ACAD8: variants seen among roughly 807,000 people sequenced by gnomAD.
ACAD8 encodes the protein acyl-CoA dehydrogenase family member 8.
In ACAD8, 47 loss-of-function variants were observed where a neutral mutation model predicts 53.1. The observed-to-expected ratio is 0.89, with a 90% confidence interval of 0.70 to 1.13. ACAD8 has a LOEUF of 1.13. ACAD8 is among the 50% of genes most tolerant of loss of function. The pLI is 0.00. For synonymous variants in ACAD8, 198 were observed against 201.3 expected (o/e 0.98, Z 0.14); for missense variants, 494 against 535.0 (o/e 0.92, Z 0.76).
rs1939798356 is a variant in ACAD8, at chr11:134,260,145, A to G, written c.705+400A>G. 4 of 1,160,092 alleles carry G rather than the reference A, an allele frequency of 3.4e-6. No individual in the cohort carries two copies. The Admixed American group carries it at 1.3e-4, about 38-fold the overall frequency. The allele number at this position is 1,160,092 out of a possible 1,614,324, so 71.9% of individuals were successfully genotyped here. A position where few individuals can be genotyped will look rare whatever the true frequency, so the allele number is the denominator to read the frequency against. ...GTCCCTTTTGCTTCTTTGATTAAAA[A>G]TAAAGTAAAACTCATTGGAGATGAT... On this transcript the variant is annotated intron_variant, in intron 6 of 10. Coordinates refer to ENST00000281182, the MANE Select transcript of ACAD8 (RefSeq NM_014384.3).
Position 134,261,805 on chromosome 11 carries a change from C to T in ACAD8, c.1007C>T (p.Ala336Val), listed in dbSNP as rs202247761. 6.2e-7 allele frequency: 1 copy of T among 1,614,224 alleles called. No homozygotes were observed. The highest frequency in any genetic ancestry group is 1.1e-5 in the South Asian group (1 of 91,092). Residue 336 changes from alanine to valine, a missense_variant, in exon 9 of 11, where the codon GCA becomes GTA. By Grantham distance (64) the Ala-to-Val change is moderately conservative. Transcript: ENST00000281182. The surrounding 1 kb of genome is among the most constrained non-coding windows in gnomAD (Gnocchi z 4.2). ...LVAARLMVRN[A>V]AVALQEERKD... ...GCCGCGCGGCTGATGGTCCGCAATG[C>T]AGCAGTGGCTCTGCAGGAGGAGAGG... is the stretch of plus-strand genomic sequence containing the variant.
rs1332592256 is a variant in ACAD8, at chr11:134,259,061, C to A, written c.544C>A (p.His182Asn). ...GACCTCCGCTAAGAAACAGGGAGAT[C>A]ATTACATCCTCAATGGCTCCAAGGT... Reference protein sequence around the residue: ...LLTSAKKQGDHYILNGSKAFI... With the variant: ...LLTSAKKQGDNYILNGSKAFI... Residue 182 changes from histidine to asparagine, a missense_variant, in exon 5 of 11, where the codon CAT (histidine) becomes AAT (asparagine). By Grantham distance (68) the His-to-Asn change is moderately conservative (BLOSUM62 1). Coordinates refer to ENST00000281182, the MANE Select transcript of ACAD8 (RefSeq NM_014384.3). The A allele has an allele frequency of 6.2e-7, 1 of 1,614,040 alleles. No homozygotes were observed.
chr11:134,262,298 G>A (rs886242598), intron 9 of ACAD8: 11 of 668,928 alleles, frequency 1.6e-5, no homozygotes, highest in Non-Finnish European at 2.2e-5. Context: ...GAGGGGCAGA[G>A]GGCTTTGAGT....
chr11:134,260,569 G>GTGT (rs993247979), intron 6 of ACAD8: 3 of 267,440 alleles, frequency 1.1e-5, no homozygotes, highest in African/African-American at 6.7e-5. Context: ...CTTCTACTGT[G>GTGT]TGTGAAGCCC....
chr11:134,262,916 C>T (rs2136084943), intron 10 of ACAD8: 2 of 1,317,694 alleles, frequency 1.5e-6, no homozygotes, highest in Non-Finnish European at 2.0e-6. Flanking sequence ...TTGAAAACCA[C>T]AGCCGGGGCT....
At chr11:134,253,893 G>A (rs1001492207) in intron 1 of ACAD8, among the ~76,000 whole-genome samples, 184 bp downstream of exon 1, 7 of 149,430 alleles carry the variant, frequency 4.7e-5, no homozygotes, top group Non-Finnish European at 4.5e-5. Flanking sequence ...GCCCCCTCCG[G>A]TCGGTCACCA....
At chr11:134,257,326 A>C (rs1939597363) in intron 3 of ACAD8, 69 bp downstream of exon 3, 1 of 1,579,238 alleles carries the variant, frequency 6.3e-7, no homozygotes, top group Non-Finnish European at 8.7e-7. Flanking sequence ...TCAGATTCGT[A>C]GGAAAAAGAT....
chr11:134,259,473 G>A (rs1163173222), intron 5 of ACAD8, 135 bp from the exon 6 acceptor site: 2 of 654,660 alleles, frequency 3.1e-6, no homozygotes, highest in East Asian at 2.6e-5. Context: ...CTTATTGTCA[G>A]TCTCTGTGCC....
intron 1 of ACAD8, among the ~76,000 whole-genome samples, chr11:134,256,173 C>G (rs1939518246): frequency 6.6e-6 from 1 of 152,234 alleles, no homozygotes; most frequent in African/African-American, 2.4e-5. Flanking sequence ...TCCTGAAGTG[C>G]TGGGATTATA....
At chr11:134,255,555 G>A (rs903309806) in intron 1 of ACAD8, among the ~76,000 whole-genome samples, 2 of 152,228 alleles carry the variant, frequency 1.3e-5, no homozygotes, top group African/African-American at 4.8e-5. Flanking sequence ...ACAAAATTGT[G>A]TGAATAAATG....
intron 6 of ACAD8, chr11:134,260,707 T>G: frequency 2.6e-6 from 1 of 378,490 alleles, no homozygotes; most frequent in Non-Finnish European, 5.0e-6. Context: ...AACTGGGAGA[T>G]TGTAGATAGT....
intron 6 of ACAD8, chr11:134,260,199 C>T: frequency 2.7e-6 from 3 of 1,109,900 alleles, no homozygotes; most frequent in Non-Finnish European, 3.3e-6. Flanking sequence ...CCAAGAAGGA[C>T]ACTTAGGTAC....
intron 6 of ACAD8, chr11:134,260,617 C>T (rs1939821126): frequency 3.3e-6 from 1 of 301,286 alleles, no homozygotes; most frequent in South Asian, 3.1e-5. Context: ...CAGTAAAAGG[C>T]TTAGAAATGG....
chr11:134,256,956 A>T, intron 2 of ACAD8, 132 bp from the exon 3 acceptor site: 1 of 986,198 alleles, frequency 1.0e-6, no homozygotes, highest in Admixed American at 1.9e-5. Flanking sequence ...CCACTGTAAG[A>T]TGACAAACAG....
rs11822157 is a variant in ACAD8 at position 134,263,707 on chromosome 11, G to A, written c.1195+1085G>A. On this transcript the variant is annotated intron_variant, in intron 10 of 10. Coordinates refer to ENST00000281182, the MANE Select transcript of ACAD8 (RefSeq NM_014384.3). ...GAGCTTTATGTGCGTAGGAAACTTC[G>A]CCTTCATTCTAACTCTCTCTCCACC... is the stretch of plus-strand genomic sequence containing the variant. 2.0e-3 allele frequency: 1,929 copies of A among 985,320 alleles called. 32 individuals are homozygous for A. In the African/African-American group the frequency reaches 0.031, roughly 16 times the overall value. 61.0% of individuals were successfully genotyped at this position (985,320 alleles called of 1,614,324 possible). A position where few individuals can be genotyped will look rare whatever the true frequency, so the allele number is the denominator to read the frequency against.
Position 134,261,841 on chromosome 11 carries a change from T to A in ACAD8, c.1043T>A (p.Val348Glu). 6.2e-7 allele frequency: 1 copy of A among 1,614,192 alleles called. No homozygotes were observed. Among genetic ancestry groups the A allele is most frequent in the Non-Finnish European group, 8.5e-7 (1 of 1,180,028 alleles). ...CTGCAGGAGGAGAGGAAGGATGCAG[T>A]GGCCTTGTGCTCCATGGCCAAGCTC... ...VALQEERKDA[V>E]ALCSMAKLFA... The change falls in exon 9 of 11, where the codon GTG becomes GAG. Residue 348 changes from valine (V) to glutamate (E), a missense_variant. Coordinates refer to ENST00000281182, the MANE Select transcript of ACAD8 (RefSeq NM_014384.3). The surrounding 1 kb of genome is among the most constrained non-coding windows in gnomAD (Gnocchi z 4.2).
rs751260935 is a variant in ACAD8, at chr11:134,261,783, G to A, written c.985G>A (p.Ala329Thr). ...LADMATRLVA[A>T]RLMVRNAAVA... ...TGATATGGCAACAAGGCTGGTGGCCGCGCGGCTGATGGTCCGCAATGCAGC... is the reference window on the plus strand; with the variant it reads ...TGATATGGCAACAAGGCTGGTGGCCACGCGGCTGATGGTCCGCAATGCAGC... The change falls in exon 9 of 11, where the codon GCG (alanine) becomes ACG (threonine). Residue 329 changes from alanine to threonine, a missense_variant. Transcript: ENST00000281182. This position sits in a 1 kb window ranked among gnomAD's most constrained non-coding sequence, Gnocchi z 4.2. 3.5e-5 allele frequency: 56 copies of A among 1,614,012 alleles called. No individual in the cohort carries two copies. Among genetic ancestry groups the A allele is most frequent in the Middle Eastern group, 3.3e-4 (2 of 6,084 alleles).
intron 4 of ACAD8, 133 bp from the exon 5 acceptor site, chr11:134,258,875 T>G (rs1401473716): frequency 3.5e-6 from 3 of 868,120 alleles, no homozygotes; most frequent in African/African-American, 1.6e-5. Context: ...CTTTGGCCAC[T>G]TGGGTTTTGC....
At chr11:134,256,106 C>T (rs572370757) in intron 1 of ACAD8, among the ~76,000 whole-genome samples, 1 of 152,316 alleles carries the variant, frequency 6.6e-6, no homozygotes, top group South Asian at 2.1e-4. Flanking sequence ...GGGGTTTTTC[C>T]ATGTTGGTCA....
Sources: gnomAD v4.1 joint callset for allele counts (sites outside exome capture counted in the v4.1 genomes callset) on GRCh38, gnomAD v4.1.1 for gene constraint, Gnocchi (gnomAD v3.1) non-coding constraint, MANE v1.5 for transcripts, NCBI Gene and HGNC (gene_info 2026-07-23, HGNC 2026-07-21) for gene names.